Variants in SLAMF9 observed in about 807,000 individuals in gnomAD.
SLAMF9 encodes the protein CD2 family member 10.
Under a neutral mutation model 30.4 loss-of-function variants are expected in SLAMF9, and 25 were observed. That is an observed-to-expected ratio of 0.82 (90% CI 0.60 to 1.15). The LOEUF (loss-of-function observed/expected upper bound fraction) is 1.15. Ranked by LOEUF, SLAMF9 falls within the 50% of genes most tolerant of loss-of-function variation. The pLI is 0.00. For synonymous variants in SLAMF9, 129 were observed against 127.2 expected, an observed-to-expected ratio of 1.01 and a Z score of -0.09; for missense variants, 344 against 346.1, an observed-to-expected ratio of 0.99 and a Z score of 0.05.
the SLAMF9 span, among the ~76,000 whole-genome samples, chr1:159,961,004 C>T: frequency 0.011 from 1,750 of 152,290 alleles, 22 homozygotes; most frequent in South Asian, 0.015. Flanking sequence ...TTCCTCCCTT[C>T]CTTGTCTCAT....
the SLAMF9 span, among the ~76,000 whole-genome samples, chr1:159,962,528 C>A: frequency 6.6e-6 from 1 of 152,082 alleles, no homozygotes; most frequent in South Asian, 2.1e-4. Flanking sequence ...CCTGACCCCA[C>A]CCCACCCCAC....
the SLAMF9 span, among the ~76,000 whole-genome samples, chr1:159,960,922 G>A: frequency 6.6e-6 from 1 of 152,126 alleles, no homozygotes; most frequent in Non-Finnish European, 1.5e-5. Flanking sequence ...TGTTCTCCCT[G>A]GTTCCTCAGA....
the SLAMF9 span, among the ~76,000 whole-genome samples, chr1:159,979,227 G>A: frequency 6.6e-5 from 10 of 152,162 alleles, no homozygotes; most frequent in Admixed American, 3.9e-4. Flanking sequence ...TAGGTGGTAC[G>A]GTTTGAGTTG....
At chr1:159,968,168 T>C in the SLAMF9 span, among the ~76,000 whole-genome samples, 1 of 152,220 alleles carries the variant, frequency 6.6e-6, no homozygotes, top group Non-Finnish European at 1.5e-5. Context: ...GGCATCCTTG[T>C]TGTGTTTCTG....
At chr1:159,975,673 A>G in the SLAMF9 span, among the ~76,000 whole-genome samples, 4 of 152,150 alleles carry the variant, frequency 2.6e-5, no homozygotes, top group Non-Finnish European at 4.4e-5. Flanking sequence ...GACTGAGCCT[A>G]TTGCAATTGC....
Position 159,953,481 on chromosome 1 carries a change from A to G in SLAMF9, c.219T>C (p.Ala73=). 1.2e-6 allele frequency: 2 copies of G among 1,614,190 alleles called. No individual in the cohort carries two copies. Among genetic ancestry groups the G allele is most frequent in the Admixed American group, 1.7e-5 (1 of 60,024 alleles). ...TVVPGKEGHP[A]TIMVTNPHYQ... ...AGTGTGGATTGGTCACCATGATGGT[A>G]GCTGGATGTCCCTCTTTCCCTGGCA... Residue 73 remains alanine (A), a synonymous_variant, in exon 2 of 4, where the codon GCT becomes GCC. Transcript: ENST00000368093.
At chr1:159,967,847 T>C in the SLAMF9 span, among the ~76,000 whole-genome samples, 1 of 152,218 alleles carries the variant, frequency 6.6e-6, no homozygotes, top group East Asian at 1.9e-4. Flanking sequence ...CTAACTATTT[T>C]ATTTTATCTT....
the SLAMF9 span, chr1:159,973,303 G>A: frequency 3.1e-6 from 2 of 644,972 alleles, no homozygotes; most frequent in South Asian, 2.0e-5. Flanking sequence ...CAGGCCCAGG[G>A]CTCAGGAGGG....
In SLAMF9 at chr1:159,953,541, G is replaced by T. The variant is rs1461105266; in HGVS notation, c.159C>A (p.Ile53=). The T allele has an allele frequency of 6.2e-7, 1 of 1,614,108 alleles. No homozygotes were observed. The highest frequency in any genetic ancestry group is 8.5e-7 in the Non-Finnish European group (1 of 1,180,048). The change falls in exon 2 of 4, where the codon ATC becomes ATA. Residue 53 remains isoleucine, a synonymous_variant. Coordinates refer to ENST00000368093, the MANE Select transcript of SLAMF9 (RefSeq NM_033438.4). ...EIPPDEEVEN[I]IWSSHKSLAT... ...CAAGACTTTTGTGAGAGGACCAGAT[G>T]ATGTTCTCAACCTCTTCATCTGGTG...
At chr1:159,981,229 T>C in the SLAMF9 span, among the ~76,000 whole-genome samples, 1,331 of 152,072 alleles carry the variant, frequency 8.8e-3, 25 homozygotes, top group African/African-American at 0.03. Context: ...CAGATGCACA[T>C]AGAGGGAAGA....
Position 159,954,229 on chromosome 1 carries a change from A to G in SLAMF9, c.-92T>C, listed in dbSNP as rs554941223. On this transcript the variant is annotated 5_prime_UTR_variant, in exon 1 of 4. Transcript: ENST00000368093. ...CATTAGGAGGCTCCTAGACACAAAG[A>G]GCCTGACTGATGGTCCTGAGAAAAG... The G allele has an allele frequency of 6.9e-7, 1 of 1,440,820 alleles. No individual in the cohort carries two copies. The highest frequency in any genetic ancestry group is 1.4e-5 in the African/African-American group (1 of 71,234). The allele number at this position is 1,440,820 out of a possible 1,614,324, so 89.3% of individuals were successfully genotyped here.
the SLAMF9 span, among the ~76,000 whole-genome samples, chr1:159,968,979 T>C: frequency 6.6e-6 from 1 of 151,748 alleles, no homozygotes; most frequent in Admixed American, 6.6e-5. Flanking sequence ...GTTGTAGAGG[T>C]TGCAGTGAGC....
chr1:159,956,619 C>T (rs1324676426), upstream of SLAMF9, among the ~76,000 whole-genome samples: 3 of 152,082 alleles, frequency 2.0e-5, no homozygotes, highest in African/African-American at 7.2e-5. Context: ...ACCTCCCCAT[C>T]CTCCTGGAGT....
chr1:159,953,444 C>A lies in SLAMF9; in HGVS notation c.256G>T (p.Val86Leu). 1 of 1,614,212 alleles carries A rather than the reference C, an allele frequency of 6.2e-7. No homozygotes were observed. Among genetic ancestry groups the A allele is most frequent in the Non-Finnish European group, 8.5e-7 (1 of 1,180,028 alleles). Reference protein sequence around the residue: ...MVTNPHYQGQVSFLDPSYSLH... With the variant: ...MVTNPHYQGQLSFLDPSYSLH... ...GAATAGCTGGGGTCCAGGAAGCTCACTTGGCCCTGGTAGTGTGGATTGGTC... is the reference window on the plus strand; with the variant it reads ...GAATAGCTGGGGTCCAGGAAGCTCAATTGGCCCTGGTAGTGTGGATTGGTC... The change falls in exon 2 of 4, where the codon GTG (valine) becomes TTG (leucine). Residue 86 changes from valine (V) to leucine (L), a missense_variant. By Grantham distance (32) the Val-to-Leu change is conservative (BLOSUM62 1). Coordinates refer to ENST00000368093, the MANE Select transcript of SLAMF9 (RefSeq NM_033438.4).
Position 159,953,472 on chromosome 1 carries a change from C to A in SLAMF9, c.228G>T (p.Met76Ile). The change falls in exon 2 of 4, where the codon ATG (methionine) becomes ATT (isoleucine). Residue 76 changes from methionine to isoleucine, a missense_variant. By Grantham distance (10) the Met-to-Ile change is conservative. Coordinates refer to ENST00000368093, the MANE Select transcript of SLAMF9 (RefSeq NM_033438.4). Reference sequence around the variant, plus strand: ...GGCCCTGGTAGTGTGGATTGGTCACCATGATGGTAGCTGGATGTCCCTCTT... The same window carrying A: ...GGCCCTGGTAGTGTGGATTGGTCACAATGATGGTAGCTGGATGTCCCTCTT... ...PGKEGHPATI[M>I]VTNPHYQGQV... is the part of the protein sequence containing the mutation. 6.2e-7 allele frequency: 1 copy of A among 1,614,118 alleles called. No individual in the cohort carries two copies. The highest frequency in any genetic ancestry group is 1.3e-5 in the African/African-American group (1 of 75,014).
At position 159,951,718 on chromosome 1, in the gene SLAMF9, G is replaced by A. The variant is rs1356683686; in HGVS notation, c.813C>T (p.Leu271=). ...KRHKMPRMKK[L]MRNRMKLRKE... ...TCCTCAATTTCATTCTGTTTCTCAT[G>A]AGTTTCTTCATCCTTGGCATTTTGT... The change falls in exon 4 of 4, where the codon CTC becomes CTT. Residue 271 remains leucine, a synonymous_variant. Transcript: ENST00000368093. 6.2e-7 allele frequency: 1 copy of A among 1,614,218 alleles called. No homozygotes were observed. Among genetic ancestry groups the A allele is most frequent in the Non-Finnish European group, 8.5e-7 (1 of 1,180,036 alleles).
upstream of SLAMF9, among the ~76,000 whole-genome samples, chr1:159,956,904 G>A (rs1369127948): frequency 1.3e-5 from 2 of 151,906 alleles, no homozygotes; most frequent in Admixed American, 1.3e-4. Flanking sequence ...GGGATCACAA[G>A]GTCAGGAGAT....
the SLAMF9 span, among the ~76,000 whole-genome samples, chr1:159,963,874 C>G: frequency 6.6e-6 from 1 of 152,122 alleles, no homozygotes; most frequent in African/African-American, 2.4e-5. Context: ...GCCTGGCCAA[C>G]ATAGTCAAAT....
At chr1:159,981,510 G>T in the SLAMF9 span, among the ~76,000 whole-genome samples, 1 of 152,212 alleles carries the variant, frequency 6.6e-6, no homozygotes, top group Non-Finnish European at 1.5e-5. Flanking sequence ...AACCTCACAA[G>T]CCAGAGGGGA....
Sources: gnomAD v4.1 joint callset for allele counts (sites outside exome capture counted in the v4.1 genomes callset) on GRCh38, gnomAD v4.1.1 for gene constraint, MANE v1.5 for transcripts, NCBI Gene and HGNC (gene_info 2026-07-23, HGNC 2026-07-21) for gene names.